Variants in OLA1 observed in about 807,000 individuals in gnomAD.
The protein encoded by OLA1 is Obg like ATPase 1, also known as obg-like ATPase 1.
In OLA1, 14 loss-of-function variants were observed where a neutral mutation model predicts 48.4. The ratio of observed to expected loss-of-function variants is 0.29; its 90% confidence interval spans 0.19 to 0.45. OLA1 has a LOEUF of 0.45. Among genes scored for constraint, OLA1 ranks in the 20% least tolerant of loss-of-function variants. The probability of loss-of-function intolerance (pLI) is 1.00; values close to 1 mark genes in which losing one functional copy is unlikely to be tolerated. For synonymous variants in OLA1, 127 were observed against 150.4 expected (o/e 0.84, Z 1.14); for missense variants, 325 against 467.1 (o/e 0.70, Z 2.80).
At chr2:174,099,219 G>A (rs181107289) in intron 7 of OLA1, among the ~76,000 whole-genome samples, 2,138 of 151,590 alleles carry the variant, frequency 0.014, 26 homozygotes, top group Non-Finnish European at 0.02. Flanking sequence ...GCAGTGGTGC[G>A]ATCTCAGCTC....
chr2:174,220,339 T>C (rs1009241319), intron 4 of OLA1, among the ~76,000 whole-genome samples: 1 of 152,142 alleles, frequency 6.6e-6, no homozygotes, highest in Non-Finnish European at 1.5e-5. Context: ...CTCTGAATAA[T>C]AATCTTTCCT....
At chr2:174,193,821 T>A (rs766657869) in intron 4 of OLA1, among the ~76,000 whole-genome samples, 3 of 152,156 alleles carry the variant, frequency 2.0e-5, no homozygotes, top group Non-Finnish European at 4.4e-5. Context: ...TAGAAACCTG[T>A]TAGTTTGATG....
intron 4 of OLA1, among the ~76,000 whole-genome samples, chr2:174,172,986 C>T (rs932735147): frequency 3.3e-5 from 5 of 152,140 alleles, no homozygotes; most frequent in Non-Finnish European, 7.4e-5. Flanking sequence ...TATGCCGCCT[C>T]CCCCTTTGCC....
In OLA1 at chr2:174,242,891, C is replaced by G. The variant is rs143607208; in HGVS notation, c.101+3824G>C. Among the ~76,000 whole-genome samples the G allele has an allele frequency of 3.8e-3, 579 of 152,312 alleles. 1 individual carries two copies. Among genetic ancestry groups the G allele is most frequent in the African/African-American group, 0.013 (553 of 41,584 alleles). ...CAGTACAGAACTAGAAACCAAATCT[C>G]CATATTCTTTCTACTTCATTAAAAG... On this transcript the variant is annotated intron_variant, in intron 2 of 10. Transcript: ENST00000284719.
At position 174,082,113 on chromosome 2, in the gene OLA1, G is replaced by A. The variant is rs201672183; in HGVS notation, c.729-49C>T. On this transcript the variant is annotated intron_variant, in intron 7 of 10. Transcript: ENST00000284719. ...ATTATCTTGTAGTGCATGCATGACT[G>A]TACCACATTCATTATTATCAAGTAG... 5.7e-6 allele frequency: 9 copies of A among 1,585,064 alleles called. No individual in the cohort carries two copies. In the East Asian group the frequency reaches 6.7e-5, roughly 12 times the overall value.
At chr2:174,217,461 G>A (rs1271229051) in intron 4 of OLA1, among the ~76,000 whole-genome samples, 1 of 143,930 alleles carries the variant, frequency 6.9e-6, no homozygotes, top group Non-Finnish European at 1.5e-5. Flanking sequence ...TGCTGAAACA[G>A]AGTACAAGCA....
chr2:174,230,237 C>T (rs1038094075), intron 2 of OLA1, among the ~76,000 whole-genome samples: 10 of 151,798 alleles, frequency 6.6e-5, no homozygotes, highest in African/African-American at 2.4e-4. Context: ...TATGATAATA[C>T]GGTGCCAAAT....
At chr2:174,188,928 A>T (rs963874322) in intron 4 of OLA1, among the ~76,000 whole-genome samples, 1 of 152,208 alleles carries the variant, frequency 6.6e-6, no homozygotes, top group Non-Finnish European at 1.5e-5. Context: ...TCTGGCCCCA[A>T]GCACTTCAGA....
chr2:174,073,868 T>C lies in OLA1; in HGVS notation c.*1558A>G, dbSNP rs1220783069. On this transcript the variant is annotated 3_prime_UTR_variant, in exon 11 of 11. Coordinates refer to ENST00000284719, the MANE Select transcript of OLA1 (RefSeq NM_013341.5). Reference sequence around the variant, plus strand: ...TTGGTCAGCTATACCTGTAGCCTAGTTTTATTTGTTTTATTTAGTTCTTTT... The same window carrying C: ...TTGGTCAGCTATACCTGTAGCCTAGCTTTATTTGTTTTATTTAGTTCTTTT... 6.6e-6 allele frequency: 1 copy of C among 152,184 alleles called. No individual in the cohort carries two copies. The highest frequency in any genetic ancestry group is 1.5e-5 in the Non-Finnish European group (1 of 68,022). 9.4% of individuals were successfully genotyped at this position (152,184 alleles called of 1,614,324 possible). A position where few individuals can be genotyped will look rare whatever the true frequency, so the allele number is the denominator to read the frequency against.
chr2:174,104,238 A>G (rs771462325), intron 7 of OLA1, among the ~76,000 whole-genome samples: 1 of 152,034 alleles, frequency 6.6e-6, no homozygotes, highest in Non-Finnish European at 1.5e-5. Flanking sequence ...CTTATCAGGT[A>G]TATACAGTAA....
intron 3 of OLA1, among the ~76,000 whole-genome samples, chr2:174,227,012 C>G (rs529523359): frequency 6.6e-6 from 1 of 151,804 alleles, no homozygotes; most frequent in Non-Finnish European, 1.5e-5. Context: ...ATCATTTGAC[C>G]GTGCCCAGGA....
chr2:174,212,497 C>G (rs751244328), intron 4 of OLA1, among the ~76,000 whole-genome samples: 1 of 152,126 alleles, frequency 6.6e-6, no homozygotes, highest in Non-Finnish European at 1.5e-5. Context: ...TTAGGCTATT[C>G]TAAATTTATG....
chr2:174,234,044 G>A (rs947096914), intron 2 of OLA1, among the ~76,000 whole-genome samples: 3 of 151,978 alleles, frequency 2.0e-5, no homozygotes, highest in Non-Finnish European at 4.4e-5. Context: ...GAATGTGCCT[G>A]CCCCTCCTTC....
At chr2:174,149,824 AG>A (rs1686703255) in intron 4 of OLA1, among the ~76,000 whole-genome samples, 1 of 151,980 alleles carries the variant, frequency 6.6e-6, no homozygotes, top group East Asian at 1.9e-4. Context: ...GTGAGTAAAA[AG>A]GATAAATCTA....
chr2:174,197,871 T>C (rs1482897885), intron 4 of OLA1, among the ~76,000 whole-genome samples: 1 of 152,254 alleles, frequency 6.6e-6, no homozygotes, highest in East Asian at 1.9e-4. Context: ...TAGCCAAATA[T>C]TAATTTGTAA....
At chr2:174,220,775 A>T (rs1477842663) in intron 4 of OLA1, among the ~76,000 whole-genome samples, 2 of 152,228 alleles carry the variant, frequency 1.3e-5, no homozygotes, top group Non-Finnish European at 2.9e-5. Flanking sequence ...GTTAATTTTT[A>T]AAAATTAATC....
At chr2:174,097,605 C>T (rs1357849519) in intron 7 of OLA1, among the ~76,000 whole-genome samples, 2 of 151,434 alleles carry the variant, frequency 1.3e-5, no homozygotes, top group African/African-American at 2.4e-5. Flanking sequence ...GAGTCTGAGA[C>T]CAGCCTGTAA....
At chr2:174,082,997 T>C (rs1684891469) in intron 7 of OLA1, among the ~76,000 whole-genome samples, 1 of 152,152 alleles carries the variant, frequency 6.6e-6, no homozygotes, top group African/African-American at 2.4e-5. Flanking sequence ...TATTATATTG[T>C]AAGGAACCTA....
chr2:174,120,078 G>T (rs897840848), intron 7 of OLA1, among the ~76,000 whole-genome samples: 2 of 151,968 alleles, frequency 1.3e-5, no homozygotes, highest in Non-Finnish European at 2.9e-5. Context: ...ACAGTTTCAA[G>T]AAAGGTAGGA....
Sources: allele counts gnomAD v4.1 joint callset (sites outside exome capture counted in the v4.1 genomes callset), GRCh38; gene constraint gnomAD v4.1.1; transcripts MANE v1.5; gene names NCBI Gene and HGNC (gene_info 2026-07-23, HGNC 2026-07-21).